The following SDK1 variants were observed in gnomAD, a reference collection of about 807,000 sequenced individuals.
SDK1 encodes the protein protein sidekick-1.
SDK1 carries 157 observed loss-of-function variants against 245.5 expected under a neutral mutation model. That is an observed-to-expected ratio of 0.64 (90% CI 0.56 to 0.73). SDK1 has a LOEUF of 0.73. SDK1 is among the 30% of genes least tolerant of loss of function. The pLI, the probability that SDK1 is intolerant of heterozygous loss-of-function variation, is 0.00. For synonymous variants in SDK1, 1,647 were observed against 1,278.5 expected (o/e 1.29, Z -6.15); for missense variants, 3,583 against 3,002.3 (o/e 1.19, Z -4.52).
rs566844169 is a variant in SDK1 at position 3,528,365 on chromosome 7, G to C, written c.299-90715G>C. Among the ~76,000 whole-genome samples the C allele has an allele frequency of 4.8e-5, 7 of 144,696 alleles. No individual in the cohort carries two copies. The East Asian group carries it at 1.5e-3, about 30-fold the overall frequency. 94.9% of individuals were successfully genotyped at this position (144,696 alleles called of 152,430 possible). On this transcript the variant is annotated intron_variant, in intron 1 of 44. Transcript: ENST00000404826. ...GGTTGAGTGGTGGGAGGTGAGGCTG[G>C]GTGTCAGCTAGGGGGTGAGTGGTGG...
intron 5 of SDK1, among the ~76,000 whole-genome samples, chr7:3,921,930 C>A (rs957665151): frequency 2.6e-5 from 4 of 152,266 alleles, no homozygotes; most frequent in Admixed American, 2.6e-4. Flanking sequence ...CACACCAGTG[C>A]ACTCCAGCCT....
intron 43 of SDK1, among the ~76,000 whole-genome samples, chr7:4,245,387 G>A (rs546042412): frequency 2.0e-4 from 31 of 152,124 alleles, no homozygotes; most frequent in Non-Finnish European, 4.6e-4. Context: ...ACCTCAGGGT[G>A]CTGTTTGTAC....
intron 13 of SDK1, 42 bp from the exon 14 acceptor site, chr7:3,987,144 A>G (rs759325291): frequency 4.3e-6 from 7 of 1,609,220 alleles, no homozygotes; most frequent in Non-Finnish European, 5.9e-6. Context: ...GGATTCTGAC[A>G]TGTGTTTTCC....
intron 5 of SDK1, among the ~76,000 whole-genome samples, chr7:3,880,696 C>A (rs1005998580): frequency 2.0e-5 from 3 of 152,060 alleles, no homozygotes; most frequent in Admixed American, 6.5e-5. Context: ...AAAACACATT[C>A]CCCAGGTCGA....
intron 13 of SDK1, among the ~76,000 whole-genome samples, chr7:3,981,105 G>A (rs76244949): frequency 0.025 from 3,770 of 152,130 alleles, 154 homozygotes; most frequent in African/African-American, 0.087. Flanking sequence ...TTTTTCCAAC[G>A]GCACCTGCTC....
intron 4 of SDK1, among the ~76,000 whole-genome samples, chr7:3,660,401 C>A (rs541411475): frequency 4.4e-4 from 67 of 151,210 alleles, no homozygotes; most frequent in African/African-American, 1.5e-3. Context: ...AGTAAACAAG[C>A]AAACACATAA....
At chr7:3,884,230 G>A (rs931990546) in intron 5 of SDK1, among the ~76,000 whole-genome samples, 4 of 152,094 alleles carry the variant, frequency 2.6e-5, no homozygotes, top group African/African-American at 4.8e-5. Flanking sequence ...ACAGGCGTGA[G>A]CCACTGCACC....
At position 4,266,958 on chromosome 7, in the gene SDK1, G is replaced by C; in HGVS notation, c.*1574G>C. On this transcript the variant is annotated 3_prime_UTR_variant, in exon 45 of 45. Coordinates refer to ENST00000404826, the MANE Select transcript of SDK1 (RefSeq NM_152744.4). ...GCAGTATCTGACCAGTGCCACCCAGGAGCCAGTCTCCTGGCCACATGCAGA... is the reference window on the plus strand; with the variant it reads ...GCAGTATCTGACCAGTGCCACCCAGCAGCCAGTCTCCTGGCCACATGCAGA... 1 of 985,462 alleles carries C rather than the reference G, an allele frequency of 1.0e-6. No homozygotes were observed. Among genetic ancestry groups the C allele is most frequent in the South Asian group, 4.7e-5 (1 of 21,278 alleles). 61.0% of individuals were successfully genotyped at this position (985,462 alleles called of 1,614,324 possible).
At chr7:3,576,157 A>G (rs537253726) in intron 1 of SDK1, among the ~76,000 whole-genome samples, 1 of 152,154 alleles carries the variant, frequency 6.6e-6, no homozygotes, top group Non-Finnish European at 1.5e-5. Context: ...CTACTAGACC[A>G]GGTGTGCTTT....
At position 3,764,553 on chromosome 7, in the gene SDK1, G is replaced by A. The variant is rs527659496; in HGVS notation, c.714-56897G>A. On this transcript the variant is annotated intron_variant, in intron 4 of 44. Transcript: ENST00000404826. ...ATACAAAAATTAGCTGGGCATGGTG[G>A]CCCTTGTAATCCCAGCTAATTGGGA... 3.3e-5 allele frequency among the ~76,000 whole-genome samples: 5 copies of A among 152,186 alleles called. No individual in the cohort carries two copies. In the East Asian group the frequency reaches 9.7e-4, roughly 29 times the overall value.
At chr7:4,079,428 T>C in intron 21 of SDK1, 35 bp from the exon 22 acceptor site, 1 of 1,612,476 alleles carries the variant, frequency 6.2e-7, no homozygotes, top group Non-Finnish European at 8.5e-7. Flanking sequence ...TGACGGACTG[T>C]AAATCTCTCC....
intron 25 of SDK1, among the ~76,000 whole-genome samples, chr7:4,118,108 C>T (rs908407331): frequency 4.6e-5 from 7 of 152,040 alleles, no homozygotes; most frequent in Non-Finnish European, 1.0e-4. Flanking sequence ...AGAATGAAAA[C>T]CTTTATGCTT....
In SDK1 at chr7:3,800,963, T is replaced by C. The variant is rs372494073; in HGVS notation, c.714-20487T>C. Among the ~76,000 whole-genome samples the C allele has an allele frequency of 2.4e-4, 37 of 152,298 alleles. No individual in the cohort carries two copies. The East Asian group carries it at 5.8e-3, about 24-fold the overall frequency. On this transcript the variant is annotated intron_variant, in intron 4 of 44. Transcript: ENST00000404826. ...CCCTTTAACTTTCTTTTTTACACGT[T>C]TTTACACCCTTTGTCCTTCCCACCC... is the stretch of plus-strand genomic sequence containing the variant.
intron 15 of SDK1, among the ~76,000 whole-genome samples, chr7:4,011,711 T>C (rs1320742281): frequency 6.6e-6 from 1 of 152,198 alleles, no homozygotes; most frequent in East Asian, 1.9e-4. Context: ...TCTTTTTTTT[T>C]CTTCAAAATG....
intron 4 of SDK1, among the ~76,000 whole-genome samples, chr7:3,646,127 G>C (rs527419733): frequency 2.4e-4 from 37 of 152,216 alleles, no homozygotes; most frequent in Admixed American, 5.2e-4. Context: ...AGAGTGCTGG[G>C]ATTATAGGCG....
At chr7:4,225,671 G>A (rs953052719) in intron 40 of SDK1, among the ~76,000 whole-genome samples, 6 of 152,296 alleles carry the variant, frequency 3.9e-5, no homozygotes, top group South Asian at 2.1e-4. Context: ...GCGTGTCGGC[G>A]AGGGCTTCAC....
intron 2 of SDK1, among the ~76,000 whole-genome samples, chr7:3,626,800 T>G (rs1782136422): frequency 6.6e-6 from 1 of 152,144 alleles, no homozygotes; most frequent in South Asian, 2.1e-4. Flanking sequence ...CTGGGTCCCT[T>G]TTTCTTCTAT....
intron 1 of SDK1, among the ~76,000 whole-genome samples, chr7:3,395,945 T>C (rs1044173957): frequency 4.0e-5 from 6 of 151,826 alleles, no homozygotes; most frequent in Non-Finnish European, 5.9e-5. Context: ...TTTTCTGTTT[T>C]ACATTTCTTT....
At chr7:4,014,744 A>G (rs530602116) in intron 16 of SDK1, among the ~76,000 whole-genome samples, 11 of 152,298 alleles carry the variant, frequency 7.2e-5, no homozygotes, top group African/African-American at 1.4e-4. Context: ...TGTATAAAAA[A>G]TCATCTTGTT....
Sources: gnomAD v4.1 joint callset for allele counts (sites outside exome capture counted in the v4.1 genomes callset) on GRCh38, gnomAD v4.1.1 for gene constraint, MANE v1.5 for transcripts, NCBI Gene and HGNC (gene_info 2026-07-23, HGNC 2026-07-21) for gene names.